Variants in EPS15L1 observed in about 807,000 individuals in gnomAD.
EPS15L1 encodes the protein epidermal growth factor receptor pathway substrate 15 like 1, also known as epidermal growth factor receptor substrate 15-like 1.
EPS15L1 carries 43 observed loss-of-function variants against 117.1 expected under a neutral mutation model. That is an observed-to-expected ratio of 0.37 (90% confidence interval 0.29 to 0.47). The LOEUF (loss-of-function observed/expected upper bound fraction) is 0.47, where lower values mean the gene tolerates loss of function less well. Ranked by LOEUF, EPS15L1 falls within the 20% of genes least tolerant of loss-of-function variation. The probability of loss-of-function intolerance (pLI) is 0.99; values close to 1 mark genes in which losing one functional copy is unlikely to be tolerated. For missense variants in EPS15L1, 981 were observed against 1,164.0 expected (o/e 0.84, Z 2.29); for synonymous variants, 459 against 470.5 (o/e 0.98, Z 0.32).
intron 1 of EPS15L1, among the ~76,000 whole-genome samples, chr19:16,448,556 G>GGGGGGGA (rs2093108744): frequency 7.2e-6 from 1 of 138,216 alleles, no homozygotes; most frequent in African/African-American, 2.8e-5. Flanking sequence ...AAGGGGGGGG[G>GGGGGGGA]AGAAAGGCCG....
Position 16,393,975 on chromosome 19 carries a change from C to A in EPS15L1, c.1942G>T (p.Ala648Ser), listed in dbSNP as rs907973249. The change falls in exon 18 of 24, where the codon GCA becomes TCA. Residue 648 changes from alanine to serine, a missense_variant. Transcript: ENST00000455140. ...CCTGTTGAAGTTGTCTGCTGTTCTG[C>A]AAAGGGGTCATTCTGGAACGGGTCG... ...KGDPFQNDPF[A>S]EQQTTSTDPF... 6.2e-7 allele frequency: 1 copy of A among 1,614,096 alleles called. No individual in the cohort carries two copies. Among genetic ancestry groups the A allele is most frequent in the Non-Finnish European group, 8.5e-7 (1 of 1,179,956 alleles).
intron 7 of EPS15L1, among the ~76,000 whole-genome samples, chr19:16,431,853 G>A (rs1185586680): frequency 6.6e-6 from 1 of 152,134 alleles, no homozygotes; most frequent in Non-Finnish European, 1.5e-5. Flanking sequence ...ATAATGAAAC[G>A]CAAAATAAAG....
chr19:16,382,733 T>C (rs1187937365), intron 21 of EPS15L1, among the ~76,000 whole-genome samples: 1 of 152,134 alleles, frequency 6.6e-6, no homozygotes, highest in Non-Finnish European at 1.5e-5. Context: ...AGTGAGCTTA[T>C]GTCACATAGG....
chr19:16,392,053 G>A (rs2092481769), intron 19 of EPS15L1, among the ~76,000 whole-genome samples: 1 of 152,218 alleles, frequency 6.6e-6, no homozygotes, highest in East Asian at 1.9e-4. Context: ...TTGCCCTGAT[G>A]TGGGGCCACT....
chr19:16,440,805 C>T (rs776178566), intron 4 of EPS15L1, 57 bp downstream of exon 4: 12 of 1,557,612 alleles, frequency 7.7e-6, no homozygotes, highest in Admixed American at 1.7e-5. Context: ...GTGGAGGTCA[C>T]CCAGCCTGGG....
intron 1 of EPS15L1, among the ~76,000 whole-genome samples, chr19:16,464,772 A>ACAC (rs56250700): frequency 4.0e-5 from 6 of 151,720 alleles, no homozygotes; most frequent in Non-Finnish European, 8.8e-5. Context: ...ACTAACACTA[A>ACAC]TGATAGCTGA....
intron 16 of EPS15L1, 45 bp from the exon 17 acceptor site, chr19:16,395,512 A>T (rs376008025): frequency 1.3e-6 from 2 of 1,591,342 alleles, no homozygotes; most frequent in Admixed American, 1.7e-5. Flanking sequence ...ATTATTTCTG[A>T]GTTAAAGCAA....
At position 16,376,996 on chromosome 19, in the gene EPS15L1, C is replaced by A. The variant is rs1283474569; in HGVS notation, c.2380+126G>T. On this transcript the variant is annotated intron_variant, in intron 22 of 23. Coordinates refer to ENST00000455140, the MANE Select transcript of EPS15L1 (RefSeq NM_001258374.3). ...ACCTGGGCAGCTGGGCCGGGGGGAC[C>A]CTCTTGCTCCCCACACAGGGTCCCA... is the stretch of plus-strand genomic sequence containing the variant. 6 of 1,255,692 alleles carry A rather than the reference C, an allele frequency of 4.8e-6. No homozygotes were observed. The Admixed American group carries it at 1.6e-4, about 33-fold the overall frequency. 77.8% of individuals were successfully genotyped at this position (1,255,692 alleles called of 1,614,324 possible). A position where few individuals can be genotyped will look rare whatever the true frequency, so the allele number is the denominator to read the frequency against.
chr19:16,426,936 G>A (rs2092878481), intron 8 of EPS15L1, among the ~76,000 whole-genome samples: 1 of 152,180 alleles, frequency 6.6e-6, no homozygotes, highest in Non-Finnish European at 1.5e-5. Flanking sequence ...ATTTTGAAGT[G>A]GATAATGGTT....
At chr19:16,455,362 G>C (rs951194395) in intron 1 of EPS15L1, among the ~76,000 whole-genome samples, 5 of 152,204 alleles carry the variant, frequency 3.3e-5, no homozygotes, top group Admixed American at 3.3e-4. Context: ...CTGGCCTCAA[G>C]CAATCCTCCT....
intron 1 of EPS15L1, among the ~76,000 whole-genome samples, chr19:16,452,836 C>G (rs1466084497): frequency 6.6e-6 from 1 of 151,500 alleles, no homozygotes; most frequent in African/African-American, 2.4e-5. Context: ...TCGCTCTGTC[C>G]CCCAAGCTGG....
At chr19:16,438,535 G>A (rs1286922393) in intron 4 of EPS15L1, among the ~76,000 whole-genome samples, 3 of 152,000 alleles carry the variant, frequency 2.0e-5, no homozygotes, top group Non-Finnish European at 4.4e-5. Context: ...AATATGTGCC[G>A]AATTTTTGTT....
chr19:16,425,255 G>T lies in EPS15L1; in HGVS notation c.620C>A (p.Ser207Tyr). The change falls in exon 9 of 24, where the codon TCC (serine) becomes TAC (tyrosine). Residue 207 changes from serine (S) to tyrosine (Y), a missense_variant. Coordinates refer to ENST00000455140, the MANE Select transcript of EPS15L1 (RefSeq NM_001258374.3). Reference sequence around the variant, plus strand: ...CTTTCTCTTGGAGGGTGGGATGAGGGACGGGGGCAGGGCGGAGGGCACGGG... The same window carrying T: ...CTTTCTCTTGGAGGGTGGGATGAGGTACGGGGGCAGGGCGGAGGGCACGGG... ...KEPVPSALPPSLIPPSKRKKT... is the reference protein window; with the variant it reads ...KEPVPSALPPYLIPPSKRKKT... 1 of 1,398,542 alleles carries T rather than the reference G, an allele frequency of 7.2e-7. No individual in the cohort carries two copies. The highest frequency in any genetic ancestry group is 1.0e-6 in the Non-Finnish European group (1 of 989,738). The allele number at this position is 1,398,542 out of a possible 1,614,324, so 86.6% of individuals were successfully genotyped here.
chr19:16,460,544 C>T (rs2093238948), intron 1 of EPS15L1, among the ~76,000 whole-genome samples: 1 of 152,188 alleles, frequency 6.6e-6, no homozygotes, highest in East Asian at 1.9e-4. Context: ...AATGCCAACT[C>T]CATGGCCTGG....
At chr19:16,450,477 CTTTTTTTTTT>C (rs768287701) in intron 1 of EPS15L1, among the ~76,000 whole-genome samples, 5 of 108,198 alleles carry the variant, frequency 4.6e-5, no homozygotes, top group African/African-American at 1.5e-4. Flanking sequence ...TGTCCATCTT[CTTTTTTTTTT>C]TTTTTTTTTT....
At chr19:16,401,834 G>A in intron 16 of EPS15L1, 1 of 986,780 alleles carries the variant, frequency 1.0e-6, no homozygotes, top group Non-Finnish European at 1.2e-6. Context: ...CAACACCCTG[G>A]GGCGCTGCTT....
At chr19:16,448,865 G>C (rs1350505097) in intron 1 of EPS15L1, among the ~76,000 whole-genome samples, 2 of 151,834 alleles carry the variant, frequency 1.3e-5, no homozygotes, top group African/African-American at 4.8e-5. Context: ...GAAAAGGCAA[G>C]CTACAGACTA....
chr19:16,428,811 AGAGT>A (rs781727902), intron 7 of EPS15L1, 50 bp from the exon 8 acceptor site: 2 of 1,463,818 alleles, frequency 1.4e-6, no homozygotes, highest in Admixed American at 1.9e-5. Flanking sequence ...GGACTGGGTG[AGAGT>A]GAGACCACCT....
Position 16,402,342 on chromosome 19 carries a change from C to G in EPS15L1, c.1770G>C (p.Glu590Asp), listed in dbSNP as rs371006895. ...TTACCATGGCTCCAAAACTGCCCCT[C>G]TCTGCCAGGGAGACGCCTTCGCTCA... ...ANLSEGVSLA[E>D]RGSFGAMDDP... is the part of the protein sequence containing the mutation. The change falls in exon 16 of 24, where the codon GAG (glutamate) becomes GAC (aspartate). Residue 590 changes from glutamate to aspartate, a missense_variant. Physicochemically the swap from Glu to Asp is conservative, Grantham distance 45. Transcript: ENST00000455140. 4 of 1,611,144 alleles carry G rather than the reference C, an allele frequency of 2.5e-6. No homozygotes were observed. The African/African-American group carries it at 5.4e-5, about 22-fold the overall frequency.
Sources: allele counts gnomAD v4.1 joint callset (sites outside exome capture counted in the v4.1 genomes callset), GRCh38; gene constraint gnomAD v4.1.1; transcripts MANE v1.5; gene names NCBI Gene and HGNC (gene_info 2026-07-23, HGNC 2026-07-21).